The following TCF12 variants were observed in gnomAD, a reference collection of about 807,000 sequenced individuals.
The protein encoded by TCF12 is transcription factor 12.
TCF12 carries 45 observed loss-of-function variants against 86.0 expected under a neutral mutation model. The observed-to-expected ratio is 0.52, with a 90% CI of 0.41 to 0.67. The LOEUF is 0.67. TCF12 is among the 30% of genes least tolerant of loss of function. The probability of loss-of-function intolerance (pLI) is 0.00; values close to 1 mark genes in which losing one functional copy is unlikely to be tolerated. For synonymous variants in TCF12, 330 were observed against 299.6 expected (o/e 1.10, Z -1.05); for missense variants, 881 against 859.9 (o/e 1.02, Z -0.31).
intron 3 of TCF12, among the ~76,000 whole-genome samples, chr15:57,007,972 T>C (rs2064564936): frequency 6.7e-6 from 1 of 149,160 alleles, no homozygotes; most frequent in Non-Finnish European, 1.5e-5. Flanking sequence ...TCTCTCTCTC[T>C]CTCTCGCTCT....
chr15:57,196,138 A>G (rs1023189464), intron 7 of TCF12, among the ~76,000 whole-genome samples: 9 of 151,534 alleles, frequency 5.9e-5, no homozygotes, highest in African/African-American at 2.2e-4. Context: ...TGGGTTTCTC[A>G]TCTGTGGATT....
rs2059167882 is a variant in TCF12 at position 57,232,216 on chromosome 15, A to T, written c.686-75A>T. On this transcript the variant is annotated intron_variant, in intron 9 of 20. Transcript: ENST00000333725. ...AAAAATATCTGGAGGGTACCCCTTG[A>T]ATTTTTATAAGCAACATCAAAATAC... 4.5e-6 allele frequency: 7 copies of T among 1,560,572 alleles called. No individual in the cohort carries two copies. In the South Asian group the frequency reaches 7.9e-5, roughly 18 times the overall value.
chr15:57,196,640 T>C (rs1224287997), intron 7 of TCF12, among the ~76,000 whole-genome samples: 1 of 152,234 alleles, frequency 6.6e-6, no homozygotes, highest in Non-Finnish European at 1.5e-5. Flanking sequence ...ACAAGTTTTA[T>C]ATTTTACATA....
At chr15:57,014,577 T>C (rs1346122991) in intron 3 of TCF12, among the ~76,000 whole-genome samples, 1 of 152,210 alleles carries the variant, frequency 6.6e-6, no homozygotes, top group Non-Finnish European at 1.5e-5. Flanking sequence ...GTTACATAGA[T>C]GTATTTTGAA....
At chr15:57,275,359 T>TTC (rs142758945) in intron 19 of TCF12, among the ~76,000 whole-genome samples, 2 of 23,996 alleles carry the variant, frequency 8.3e-5, no homozygotes, top group Non-Finnish European at 1.8e-4. Context: ...TGTGTGTGTG[T>TTC]GTGTACGTAT....
intron 3 of TCF12, among the ~76,000 whole-genome samples, chr15:56,950,219 GT>G (rs1334521418): frequency 6.6e-6 from 1 of 151,890 alleles, no homozygotes; most frequent in African/African-American, 2.4e-5. Context: ...TCTATACTGT[GT>G]TTTTTTGTTT....
intron 19 of TCF12, among the ~76,000 whole-genome samples, chr15:57,281,490 TGTTACGAACGAACGG>T (rs1436451524): frequency 6.6e-6 from 1 of 152,226 alleles, no homozygotes; most frequent in African/African-American, 2.4e-5. Context: ...ACCAGTGGCC[TGTTACGAACGAACGG>T]GCTGGCTGCA....
At chr15:57,058,112 C>T (rs546630938) in intron 3 of TCF12, among the ~76,000 whole-genome samples, 2 of 152,310 alleles carry the variant, frequency 1.3e-5, no homozygotes, top group African/African-American at 2.4e-5. Flanking sequence ...CCTCAAAATA[C>T]AGTGACCACC....
chr15:57,103,920 A>G (rs1427890039), intron 5 of TCF12, among the ~76,000 whole-genome samples: 1 of 152,156 alleles, frequency 6.6e-6, no homozygotes, highest in African/African-American at 2.4e-5. Flanking sequence ...AGGTGGGAGA[A>G]TTGCTTGAAC....
chr15:56,932,152 ATGAT>A (rs1241884055), intron 3 of TCF12, among the ~76,000 whole-genome samples: 2 of 152,190 alleles, frequency 1.3e-5, no homozygotes, highest in African/African-American at 2.4e-5. Flanking sequence ...TGTCCACTGA[ATGAT>A]TGGGAGAAGG....
At position 57,077,346 on chromosome 15, in the gene TCF12, T is replaced by C; in HGVS notation, c.222+13523T>C. ...ATATATATGTGTGTGTGTGTGTGTG[T>C]GTGTGTGTGTGTGTGTGTGTGTGTG... On this transcript the variant is annotated intron_variant, in intron 4 of 20. Transcript: ENST00000333725. 2.6e-5 allele frequency among the ~76,000 whole-genome samples: 2 copies of C among 76,092 alleles called. 1 individual carries two copies. The highest frequency in any genetic ancestry group is 4.8e-5 in the Non-Finnish European group (2 of 41,428). 49.9% of individuals were successfully genotyped at this position (76,092 alleles called of 152,430 possible).
chr15:57,279,884 C>CTTTT lies in TCF12; in HGVS notation c.1979-2542_1979-2539dup, dbSNP rs34752903. Among the ~76,000 whole-genome samples the CTTTT allele has an allele frequency of 2.6e-3, 255 of 98,230 alleles. 2 individuals carry two copies. The highest frequency in any genetic ancestry group is 0.025 in the East Asian group (84 of 3,394). 64.4% of individuals were successfully genotyped at this position (98,230 alleles called of 152,430 possible). A position where few individuals can be genotyped will look rare whatever the true frequency, so the allele number is the denominator to read the frequency against. On this transcript the variant is annotated intron_variant, in intron 19 of 20. Coordinates refer to ENST00000333725, the MANE Select transcript of TCF12 (RefSeq NM_207037.2). ...TGAGACTTTAACCTCCACAGTCTCA[C>CTTTT]TTTTTTTTTTTTTTTTTTTTTTGGA...
chr15:57,273,311 G>C (rs755592422), intron 19 of TCF12, 49 bp downstream of exon 19: 6 of 1,569,706 alleles, frequency 3.8e-6, no homozygotes, highest in Non-Finnish European at 3.5e-6. Context: ...CAGATGGGCA[G>C]ACATTTCTGT....
intron 3 of TCF12, among the ~76,000 whole-genome samples, chr15:56,929,206 C>G (rs755722936): frequency 6.6e-6 from 1 of 152,096 alleles, no homozygotes; most frequent in Non-Finnish European, 1.5e-5. Flanking sequence ...GCTGGCCAAT[C>G]CTTAATGAGA....
chr15:56,951,427 TTATG>T (rs2061270748), intron 3 of TCF12, among the ~76,000 whole-genome samples: 2 of 152,346 alleles, frequency 1.3e-5, no homozygotes, highest in East Asian at 1.9e-4. Context: ...TGAGATTTCT[TTATG>T]TATTCTGGGT....
intron 3 of TCF12, among the ~76,000 whole-genome samples, chr15:56,954,966 G>T (rs770567962): frequency 2.6e-5 from 4 of 152,210 alleles, no homozygotes; most frequent in Non-Finnish European, 4.4e-5. Flanking sequence ...CCGTAAACTA[G>T]TTCAACCATT....
Position 57,247,156 on chromosome 15 carries a change from C to T in TCF12, c.1114+3606C>T, listed in dbSNP as rs1454295094. On this transcript the variant is annotated intron_variant, in intron 13 of 20. Coordinates refer to ENST00000333725, the MANE Select transcript of TCF12 (RefSeq NM_207037.2). Reference sequence around the variant, plus strand: ...CCTCCTTCACTCCACCGTCACTCCACCACCACCACCATATCCTTGGTCCAT... The same window carrying T: ...CCTCCTTCACTCCACCGTCACTCCATCACCACCACCATATCCTTGGTCCAT... 5 of 558,256 alleles carry T rather than the reference C, an allele frequency of 9.0e-6. No homozygotes were observed. The African/African-American group carries it at 9.4e-5, about 10-fold the overall frequency. 34.6% of individuals were successfully genotyped at this position (558,256 alleles called of 1,614,324 possible).
chr15:56,968,237 G>A (rs1478854653), intron 3 of TCF12, among the ~76,000 whole-genome samples: 13 of 152,264 alleles, frequency 8.5e-5, no homozygotes, highest in African/African-American at 2.2e-4. Context: ...GATTATAAGC[G>A]TGAGCCACTG....
chr15:57,171,065 T>C (rs541417954), intron 6 of TCF12, among the ~76,000 whole-genome samples: 1 of 151,626 alleles, frequency 6.6e-6, no homozygotes, highest in African/African-American at 2.4e-5. Context: ...GGAGTTATCC[T>C]TGGAGGAAAC....
Sources: gnomAD v4.1 joint callset for allele counts (sites outside exome capture counted in the v4.1 genomes callset) on GRCh38, gnomAD v4.1.1 for gene constraint, MANE v1.5 for transcripts, NCBI Gene and HGNC (gene_info 2026-07-23, HGNC 2026-07-21) for gene names.